The following RUNX2 variants were observed in gnomAD, a reference collection of about 807,000 sequenced individuals.
RUNX2 encodes the protein runt-related transcription factor 2.
Under a neutral mutation model 51.7 loss-of-function variants are expected in RUNX2, and 10 were observed. That is an observed-to-expected ratio of 0.19 (90% CI 0.12 to 0.33). RUNX2 has a LOEUF of 0.33. Ranked by LOEUF, RUNX2 falls within the 10% of genes least tolerant of loss-of-function variation. RUNX2 has a pLI of 1.00. For synonymous variants in RUNX2, 276 were observed against 273.6 expected, an observed-to-expected ratio of 1.01 and a Z score of -0.09; for missense variants, 562 against 691.3, an observed-to-expected ratio of 0.81 and a Z score of 2.10.
chr6:45,486,976 G>C (rs1017376182), intron 5 of RUNX2, among the ~76,000 whole-genome samples: 5 of 152,094 alleles, frequency 3.3e-5, no homozygotes, highest in African/African-American at 1.2e-4. Flanking sequence ...GGGCACAATG[G>C]GGTGATTCGC....
chr6:45,365,443 T>G (rs1794970435), intron 2 of RUNX2: 1 of 585,416 alleles, frequency 1.7e-6, no homozygotes. Context: ...CTGATTCACT[T>G]ATACTTAATG....
intron 6 of RUNX2, among the ~76,000 whole-genome samples, chr6:45,499,706 T>G (rs956476661): frequency 1.3e-5 from 2 of 152,192 alleles, no homozygotes; most frequent in South Asian, 4.1e-4. Context: ...TTTTCTCCTA[T>G]CTGGGAATAT....
At chr6:45,470,106 T>A (rs535598989) in intron 5 of RUNX2, among the ~76,000 whole-genome samples, 1 of 152,316 alleles carries the variant, frequency 6.6e-6, no homozygotes, top group Admixed American at 6.5e-5. Flanking sequence ...CATGGTTGTG[T>A]TTTCATTTAT....
intron 7 of RUNX2, among the ~76,000 whole-genome samples, chr6:45,516,214 C>T (rs1801315528): frequency 6.6e-6 from 1 of 152,142 alleles, no homozygotes; most frequent in African/African-American, 2.4e-5. Context: ...CCTTACTTTA[C>T]TGCAGAGAAA....
At chr6:45,492,788 T>A (rs1277393942) in intron 6 of RUNX2, among the ~76,000 whole-genome samples, 1 of 152,218 alleles carries the variant, frequency 6.6e-6, no homozygotes, top group African/African-American at 2.4e-5. Flanking sequence ...GTCCCACTTG[T>A]GCAAAAACAG....
intron 2 of RUNX2, among the ~76,000 whole-genome samples, chr6:45,343,901 C>T (rs1028315771): frequency 6.6e-5 from 10 of 152,258 alleles, no homozygotes; most frequent in African/African-American, 9.6e-5. Context: ...TCAAAGACCT[C>T]CACCTGACAG....
intron 6 of RUNX2, among the ~76,000 whole-genome samples, chr6:45,505,002 A>G (rs1427082105): frequency 1.3e-5 from 2 of 152,186 alleles, no homozygotes; most frequent in African/African-American, 2.4e-5. Context: ...ACTGGCTGCC[A>G]TGGTGTCCTG....
chr6:45,531,951 G>A lies in RUNX2; in HGVS notation c.1022-13266G>A, dbSNP rs1231956227. 2.6e-5 allele frequency among the ~76,000 whole-genome samples: 4 copies of A among 152,080 alleles called. No individual in the cohort carries two copies. In the East Asian group the frequency reaches 5.8e-4, roughly 22 times the overall value. On this transcript the variant is annotated intron_variant, in intron 7 of 8. Transcript: ENST00000647337. Reference sequence around the variant, plus strand: ...CAGAAAAGAAAGAGAAATAGCTCACGTGGTATCTCCCATCGAATATGGGAG... The same window carrying A: ...CAGAAAAGAAAGAGAAATAGCTCACATGGTATCTCCCATCGAATATGGGAG...
rs568757420 is a variant in RUNX2 at position 45,372,955 on chromosome 6, C to T, written c.58+44171C>T. ...GTCTCAGCCTCCCAAGTAGCAGGTG[C>T]ACGCCAAGACACGCGGCTAATTTTT... On this transcript the variant is annotated intron_variant, in intron 2 of 8. Coordinates refer to ENST00000647337, the MANE Select transcript of RUNX2 (RefSeq NM_001024630.4). Among the ~76,000 whole-genome samples the T allele has an allele frequency of 6.5e-4, 99 of 152,156 alleles. 1 individual carries two copies. The highest frequency in any genetic ancestry group is 1.2e-3 in the South Asian group (6 of 4,824).
At chr6:45,517,384 TG>T (rs1211884954) in intron 7 of RUNX2, among the ~76,000 whole-genome samples, 1 of 152,092 alleles carries the variant, frequency 6.6e-6, no homozygotes, top group Non-Finnish European at 1.5e-5. Context: ...CTATGTTGCC[TG>T]GGCTGGTCTC....
At chr6:45,501,753 G>A (rs556724902) in intron 6 of RUNX2, among the ~76,000 whole-genome samples, 2 of 152,254 alleles carry the variant, frequency 1.3e-5, no homozygotes, top group East Asian at 3.9e-4. Context: ...TTTTTAGTGA[G>A]CCCATTCTGC....
intron 4 of RUNX2, among the ~76,000 whole-genome samples, chr6:45,435,091 A>G (rs1798645988): frequency 6.6e-6 from 1 of 152,206 alleles, no homozygotes; most frequent in Admixed American, 6.5e-5. Context: ...ATTTTGGCAG[A>G]TCATAGTTAT....
At chr6:45,442,091 A>C (rs778307244) in intron 5 of RUNX2, among the ~76,000 whole-genome samples, 1 of 152,224 alleles carries the variant, frequency 6.6e-6, no homozygotes, top group Non-Finnish European at 1.5e-5. Flanking sequence ...TTTAACTTTG[A>C]TCTTTTGCAG....
chr6:45,499,270 G>T (rs1346586431), intron 6 of RUNX2, among the ~76,000 whole-genome samples: 2 of 152,182 alleles, frequency 1.3e-5, no homozygotes, highest in Admixed American at 1.3e-4. Context: ...TTCAGGTGGG[G>T]CAGCTGGGCA....
rs141212302 is a variant in RUNX2, at chr6:45,393,377, G to A, written c.59-29216G>A. On this transcript the variant is annotated intron_variant, in intron 2 of 8. Transcript: ENST00000647337. Reference sequence around the variant, plus strand: ...TGTGCTTATTGTTTGCTATAGCTGCGGTGTCAGTGTCTAAAATGTACTATT... The same window carrying A: ...TGTGCTTATTGTTTGCTATAGCTGCAGTGTCAGTGTCTAAAATGTACTATT... Among the ~76,000 whole-genome samples, 192 of 152,168 alleles carry A rather than the reference G, an allele frequency of 1.3e-3. 1 individual carries two copies. Among genetic ancestry groups the A allele is most frequent in the African/African-American group, 4.3e-3 (178 of 41,530 alleles).
chr6:45,524,606 A>G (rs1272054964), intron 7 of RUNX2, among the ~76,000 whole-genome samples: 1 of 152,242 alleles, frequency 6.6e-6, no homozygotes, highest in African/African-American at 2.4e-5. Flanking sequence ...TTCATGAAAA[A>G]TCAATAAATA....
At chr6:45,492,620 T>G (rs897301015) in intron 6 of RUNX2, among the ~76,000 whole-genome samples, 1 of 152,244 alleles carries the variant, frequency 6.6e-6, no homozygotes, top group African/African-American at 2.4e-5. Flanking sequence ...AATTCACTTC[T>G]GATTTACATT....
rs141420221 is a variant in RUNX2, at chr6:45,340,544, G to A, written c.58+11760G>A. On this transcript the variant is annotated intron_variant, in intron 2 of 8. Coordinates refer to ENST00000647337, the MANE Select transcript of RUNX2 (RefSeq NM_001024630.4). Reference sequence around the variant, plus strand: ...TTGCCATGTTGCCCAGGCTGGTCTCGAACTACTGGGCTCAAGCGATCCTCC... The same window carrying A: ...TTGCCATGTTGCCCAGGCTGGTCTCAAACTACTGGGCTCAAGCGATCCTCC... 1.8e-3 allele frequency among the ~76,000 whole-genome samples: 270 copies of A among 151,900 alleles called. 3 individuals are homozygous for A. The highest frequency in any genetic ancestry group is 6.3e-3 in the African/African-American group (261 of 41,444).
intron 2 of RUNX2, among the ~76,000 whole-genome samples, chr6:45,407,951 A>G (rs1797872136): frequency 6.6e-6 from 1 of 152,210 alleles, no homozygotes; most frequent in Non-Finnish European, 1.5e-5. Flanking sequence ...AACTGTTAAA[A>G]TAATTCTTCT....
Sources: gnomAD v4.1 joint callset for allele counts (sites outside exome capture counted in the v4.1 genomes callset) on GRCh38, gnomAD v4.1.1 for gene constraint, MANE v1.5 for transcripts, NCBI Gene and HGNC (gene_info 2026-07-23, HGNC 2026-07-21) for gene names.